Variants in KDM4C observed in about 807,000 individuals in gnomAD.
The protein encoded by KDM4C is lysine demethylase 4C.
A neutral mutation model predicts 129.3 loss-of-function variants in KDM4C; 81 were observed. The observed-to-expected ratio is 0.63, with a 90% CI of 0.52 to 0.75. The LOEUF (loss-of-function observed/expected upper bound fraction) is 0.75. Ranked by LOEUF, KDM4C falls within the 30% of genes least tolerant of loss-of-function variation. The probability of loss-of-function intolerance (pLI) is 0.00; values close to 1 mark genes in which losing one functional copy is unlikely to be tolerated. For missense variants in KDM4C, 1,457 were observed against 1,304.0 expected, an observed-to-expected ratio of 1.12 and a Z score of -1.81; for synonymous variants, 573 against 456.1, an observed-to-expected ratio of 1.26 and a Z score of -3.26.
intron 11 of KDM4C, among the ~76,000 whole-genome samples, chr9:6,989,386 C>T (rs759329229): frequency 9.2e-5 from 14 of 152,102 alleles, no homozygotes; most frequent in Non-Finnish European, 1.9e-4. Flanking sequence ...TTTCCCTTCC[C>T]CCTGCCTTTA....
chr9:6,945,625 C>T (rs780879740), intron 8 of KDM4C, among the ~76,000 whole-genome samples: 2 of 152,054 alleles, frequency 1.3e-5, no homozygotes, highest in South Asian at 2.1e-4. Context: ...GAATTTACTA[C>T]TTAGAGATAA....
intron 2 of KDM4C, among the ~76,000 whole-genome samples, chr9:6,796,530 GT>G (rs1827792080): frequency 1.3e-5 from 2 of 152,204 alleles, no homozygotes; most frequent in African/African-American, 4.8e-5. Flanking sequence ...GGCACGTTCA[GT>G]AACTTTAGAA....
intron 20 of KDM4C, among the ~76,000 whole-genome samples, chr9:7,168,809 A>T (rs1039425119): frequency 6.6e-6 from 1 of 152,156 alleles, no homozygotes; most frequent in African/African-American, 2.4e-5. Flanking sequence ...TGACACCTGT[A>T]ATCCCAACAC....
rs1845356130 is a variant in KDM4C at position 7,175,482 on chromosome 9, G to A, written c.*753G>A. Reference sequence around the variant, plus strand: ...CTTTTTTTCATAATACATATTCCGAGTAGATATTTATAAAATATATGTTTC... The same window carrying A: ...CTTTTTTTCATAATACATATTCCGAATAGATATTTATAAAATATATGTTTC... On this transcript the variant is annotated 3_prime_UTR_variant, in exon 22 of 22. Coordinates refer to ENST00000381309, the MANE Select transcript of KDM4C (RefSeq NM_015061.6). 6.6e-6 allele frequency: 1 copy of A among 152,464 alleles called. No individual in the cohort carries two copies. 9.4% of individuals were successfully genotyped at this position (152,464 alleles called of 1,614,324 possible).
At chr9:6,733,525 GT>G (rs1255964174) in intron 1 of KDM4C, among the ~76,000 whole-genome samples, 1 of 152,138 alleles carries the variant, frequency 6.6e-6, no homozygotes. Flanking sequence ...AACTTCTTGC[GT>G]TTGGCTTTTG....
chr9:6,916,468 C>T (rs556679443), intron 8 of KDM4C, among the ~76,000 whole-genome samples: 1 of 152,130 alleles, frequency 6.6e-6, no homozygotes, highest in African/African-American at 2.4e-5. Context: ...AGAGACAGGC[C>T]TCACTGTGTT....
At chr9:6,820,670 G>C (rs1190280145) in intron 4 of KDM4C, among the ~76,000 whole-genome samples, 1 of 151,642 alleles carries the variant, frequency 6.6e-6, no homozygotes, top group Non-Finnish European at 1.5e-5. Context: ...GAGGGAGAGG[G>C]CCTGGAAATC....
intron 5 of KDM4C, among the ~76,000 whole-genome samples, chr9:6,858,527 T>C (rs542315881): frequency 2.1e-4 from 32 of 152,292 alleles, no homozygotes; most frequent in African/African-American, 7.5e-4. Flanking sequence ...GGGCTGGGCA[T>C]GGTTGGGAGG....
intron 19 of KDM4C, among the ~76,000 whole-genome samples, chr9:7,129,766 T>G (rs1167479704): frequency 2.6e-5 from 4 of 152,140 alleles, no homozygotes; most frequent in Non-Finnish European, 4.4e-5. Flanking sequence ...TAAGTAACAC[T>G]TACTGACATT....
chr9:7,032,858 G>A (rs191567532), intron 15 of KDM4C, among the ~76,000 whole-genome samples: 28 of 152,284 alleles, frequency 1.8e-4, no homozygotes, highest in Middle Eastern at 3.4e-3. Flanking sequence ...AACTTCTGGC[G>A]TTACTGGTTT....
In KDM4C at chr9:6,835,542, G is replaced by A. The variant is rs1301158482; in HGVS notation, c.436-13965G>A. ...GGATCAGCAAGCAGGAGTATGATGA[G>A]TCCGGCTCCATCATCCATCCTTCAA... On this transcript the variant is annotated intron_variant, in intron 4 of 21. Transcript: ENST00000381309. 51 of 1,403,996 alleles carry A rather than the reference G, an allele frequency of 3.6e-5. No homozygotes were observed. In the East Asian group the frequency reaches 1.1e-3, roughly 31 times the overall value. 87.0% of individuals were successfully genotyped at this position (1,403,996 alleles called of 1,614,324 possible).
chr9:7,148,525 C>G (rs149935866), intron 19 of KDM4C, among the ~76,000 whole-genome samples: 151 of 152,316 alleles, frequency 9.9e-4, no homozygotes, highest in African/African-American at 3.5e-3. Flanking sequence ...TCTGGGCACC[C>G]AGAAGGGTTG....
At chr9:6,865,006 TTC>T (rs1156992072) in intron 5 of KDM4C, among the ~76,000 whole-genome samples, 15 of 140,822 alleles carry the variant, frequency 1.1e-4, no homozygotes, top group African/African-American at 3.5e-4. Flanking sequence ...TTAAATTTCT[TTC>T]TTTTTTTTTT....
intron 8 of KDM4C, among the ~76,000 whole-genome samples, chr9:6,971,520 T>G (rs1242808014): frequency 6.6e-6 from 1 of 152,180 alleles, no homozygotes; most frequent in Non-Finnish European, 1.5e-5. Context: ...CCTCGGGTAG[T>G]CAAGGAATTC....
chr9:7,153,735 G>C (rs761543381), intron 19 of KDM4C, among the ~76,000 whole-genome samples: 22 of 152,176 alleles, frequency 1.4e-4, no homozygotes, highest in Non-Finnish European at 2.9e-4. Flanking sequence ...GATTTAGCCT[G>C]TACAGAAATT....
chr9:6,728,066 CAAAAAAAAAAAAAAA>C (rs574486528), intron 1 of KDM4C, among the ~76,000 whole-genome samples: 13 of 73,930 alleles, frequency 1.8e-4, no homozygotes, highest in East Asian at 5.4e-4. Flanking sequence ...CATGAAGCTG[CAAAAAAAAAAAAAAA>C]AAAAAAAAAA....
chr9:7,030,802 C>T (rs1203723317), intron 15 of KDM4C, among the ~76,000 whole-genome samples: 1 of 151,960 alleles, frequency 6.6e-6, no homozygotes, highest in Non-Finnish European at 1.5e-5. Context: ...AGCAGCTATC[C>T]ATTATACCAT....
intron 17 of KDM4C, among the ~76,000 whole-genome samples, chr9:7,070,848 A>G (rs1349095178): frequency 1.3e-5 from 2 of 152,306 alleles, no homozygotes; most frequent in East Asian, 3.9e-4. Flanking sequence ...CTGAGTGCAG[A>G]TCCTAGCTGG....
At chr9:6,985,393 T>C (rs1213893441) in intron 10 of KDM4C, among the ~76,000 whole-genome samples, 1 of 152,230 alleles carries the variant, frequency 6.6e-6, no homozygotes, top group African/African-American at 2.4e-5. Context: ...CACAGAACTT[T>C]TAAAAAATGA....
Sources: allele counts gnomAD v4.1 joint callset (sites outside exome capture counted in the v4.1 genomes callset), GRCh38; gene constraint gnomAD v4.1.1; transcripts MANE v1.5; gene names NCBI Gene and HGNC (gene_info 2026-07-23, HGNC 2026-07-21).